Variants in KCND3 observed in about 807,000 individuals in gnomAD.
KCND3 encodes the protein A-type voltage-gated potassium channel KCND3.
KCND3 carries 9 observed loss-of-function variants against 51.1 expected under a neutral mutation model. The observed-to-expected ratio is 0.18, with a 90% CI of 0.11 to 0.31. KCND3 has a LOEUF of 0.31. Ranked by LOEUF, KCND3 falls within the 10% of genes least tolerant of loss-of-function variation. The pLI is 1.00. For synonymous variants in KCND3, 349 were observed against 368.0 expected (o/e 0.95, Z 0.59); for missense variants, 526 against 903.8 (o/e 0.58, Z 5.36).
intron 2 of KCND3, among the ~76,000 whole-genome samples, chr1:111,886,905 G>A (rs935558069): frequency 1.3e-5 from 2 of 152,224 alleles, no homozygotes; most frequent in Non-Finnish European, 2.9e-5. Context: ...AGTATTAACA[G>A]AGGGGTAAAC....
rs565281754 is a variant in KCND3, at chr1:111,773,172, A to T, written c.*2905T>A. 2.0e-5 allele frequency: 3 copies of T among 152,336 alleles called. No individual in the cohort carries two copies. The highest frequency in any genetic ancestry group is 6.5e-5 in the Admixed American group (1 of 15,306). The allele number at this position is 152,336 out of a possible 1,614,324, so 9.4% of individuals were successfully genotyped here. On this transcript the variant is annotated 3_prime_UTR_variant, in exon 8 of 8. Transcript: ENST00000302127. ...GGCATGACGTGGGCTCTGAACGTGA[A>T]GTGGAAGGAACACAAAACATTCTGT...
At chr1:111,940,549 TTCTC>T (rs751594620) in intron 2 of KCND3, among the ~76,000 whole-genome samples, 7 of 152,214 alleles carry the variant, frequency 4.6e-5, no homozygotes, top group Admixed American at 2.6e-4. Flanking sequence ...ATGTGTGGCA[TTCTC>T]TCTGAGGCCT....
intron 2 of KCND3, among the ~76,000 whole-genome samples, chr1:111,809,684 T>TG (rs1665758029): frequency 6.6e-6 from 1 of 152,210 alleles, no homozygotes; most frequent in Non-Finnish European, 1.5e-5. Context: ...TATGCGTGTG[T>TG]GTGCACGCCT....
rs925000186 is a variant in KCND3, at chr1:111,772,750, A to AGGTT, written c.*3323_*3326dup. On this transcript the variant is annotated 3_prime_UTR_variant, in exon 8 of 8. Coordinates refer to ENST00000302127, the MANE Select transcript of KCND3 (RefSeq NM_001378969.1). ...CATTTGACATTTGAATGTAACTGTT[A>AGGTT]GGTTGGTTGGTTGGTTTGTTTTTCC... 1 of 152,280 alleles carries AGGTT rather than the reference A, an allele frequency of 6.6e-6. No homozygotes were observed. Among genetic ancestry groups the AGGTT allele is most frequent in the East Asian group, 1.9e-4 (1 of 5,194 alleles). The allele number at this position is 152,280 out of a possible 1,614,324, so 9.4% of individuals were successfully genotyped here. A position where few individuals can be genotyped will look rare whatever the true frequency, so the allele number is the denominator to read the frequency against.
At chr1:111,854,602 G>T (rs1178768829) in intron 2 of KCND3, among the ~76,000 whole-genome samples, 1 of 152,226 alleles carries the variant, frequency 6.6e-6, no homozygotes, top group Non-Finnish European at 1.5e-5. Flanking sequence ...ACTGGGCAGA[G>T]GCTGGTTCTC....
At chr1:111,880,375 A>G (rs142510510) in intron 2 of KCND3, among the ~76,000 whole-genome samples, 1 of 152,158 alleles carries the variant, frequency 6.6e-6, no homozygotes, top group Non-Finnish European at 1.5e-5. Flanking sequence ...AACTGAGAAC[A>G]GGGTGGGGCG....
chr1:111,968,460 G>A (rs115980744), intron 2 of KCND3, among the ~76,000 whole-genome samples: 105 of 152,300 alleles, frequency 6.9e-4, no homozygotes, highest in African/African-American at 2.3e-3. Context: ...CAGCTACAAC[G>A]TCAGAAGAGC....
intron 2 of KCND3, among the ~76,000 whole-genome samples, chr1:111,890,584 G>T (rs146753273): frequency 2.8e-4 from 42 of 152,274 alleles, no homozygotes; most frequent in Admixed American, 8.5e-4. Context: ...GATCAGCAAT[G>T]GAAATATAAA....
intron 2 of KCND3, among the ~76,000 whole-genome samples, chr1:111,788,354 T>C (rs1336914405): frequency 6.6e-6 from 1 of 152,184 alleles, no homozygotes; most frequent in Non-Finnish European, 1.5e-5. Flanking sequence ...TCTGCTAAAA[T>C]AGACTCAAAG....
At position 111,858,155 on chromosome 1, in the gene KCND3, C is replaced by G. The variant is rs146499869; in HGVS notation, c.1107-71049G>C. 6.8e-3 allele frequency among the ~76,000 whole-genome samples: 1,039 copies of G among 152,284 alleles called. 10 individuals are homozygous for G. The highest frequency in any genetic ancestry group is 0.01 in the Middle Eastern group (3 of 294). ...GAGTCACGTAGGCCTCCTTCTCACC[C>G]GTGCCCACCAAAGGCACACATGGAA... On this transcript the variant is annotated intron_variant, in intron 2 of 7. Transcript: ENST00000302127.
At chr1:111,864,354 G>T (rs1445210678) in intron 2 of KCND3, among the ~76,000 whole-genome samples, 1 of 152,086 alleles carries the variant, frequency 6.6e-6, no homozygotes, top group Non-Finnish European at 1.5e-5. Context: ...AGGGTCCCAG[G>T]GGAAATCTCA....
chr1:111,776,328 CA>C (rs1557929975), intron 7 of KCND3, 50 bp from the exon 8 acceptor site: 1 of 1,562,562 alleles, frequency 6.4e-7, no homozygotes, highest in South Asian at 1.1e-5. Context: ...GCCAGCGTCC[CA>C]AAGCTTCCTT....
chr1:111,811,460 A>G (rs1665844845), intron 2 of KCND3, among the ~76,000 whole-genome samples: 1 of 152,284 alleles, frequency 6.6e-6, no homozygotes, highest in Non-Finnish European at 1.5e-5. Flanking sequence ...AGAAATACGC[A>G]GAAAAGCTGT....
chr1:111,809,584 A>AGGCATGAGCCTGGCATGCCT (rs1053211611), intron 2 of KCND3, among the ~76,000 whole-genome samples: 1 of 152,196 alleles, frequency 6.6e-6, no homozygotes, highest in African/African-American at 2.4e-5. Flanking sequence ...CTGGGATTAC[A>AGGCATGAGCCTGGCATGCCT]GGCATGAGCC....
intron 2 of KCND3, among the ~76,000 whole-genome samples, chr1:111,804,159 C>T (rs1665455418): frequency 6.6e-6 from 1 of 152,276 alleles, no homozygotes; most frequent in African/African-American, 2.4e-5. Flanking sequence ...TGCTGCTGCC[C>T]AGCTCCTCCC....
intron 2 of KCND3, among the ~76,000 whole-genome samples, chr1:111,898,515 C>T (rs960950681): frequency 1.3e-5 from 2 of 152,180 alleles, no homozygotes; most frequent in African/African-American, 2.4e-5. Flanking sequence ...TCCTGAGGGC[C>T]AGAACTGTTC....
intron 2 of KCND3, among the ~76,000 whole-genome samples, chr1:111,881,082 T>C (rs1669283703): frequency 6.6e-6 from 1 of 152,166 alleles, no homozygotes; most frequent in Admixed American, 6.5e-5. Flanking sequence ...CTGGAAGCCT[T>C]GCATGTCACT....
chr1:111,850,855 T>A (rs975988496), intron 2 of KCND3, among the ~76,000 whole-genome samples: 1 of 152,168 alleles, frequency 6.6e-6, no homozygotes, highest in Non-Finnish European at 1.5e-5. Context: ...AAACCACAAC[T>A]GCGAAGATGG....
intron 2 of KCND3, among the ~76,000 whole-genome samples, chr1:111,822,767 C>G (rs1666408839): frequency 6.6e-6 from 1 of 152,148 alleles, no homozygotes; most frequent in Non-Finnish European, 1.5e-5. Flanking sequence ...ATATGGTAAG[C>G]TTATGTTTAA....
Sources: allele counts gnomAD v4.1 joint callset (sites outside exome capture counted in the v4.1 genomes callset), GRCh38; gene constraint gnomAD v4.1.1; transcripts MANE v1.5; gene names NCBI Gene and HGNC (gene_info 2026-07-23, HGNC 2026-07-21).